Variants in WSCD1 observed in about 807,000 individuals in gnomAD.
WSCD1 encodes WSC domain sialate O sulfotransferase 1.
WSCD1 carries 41 observed loss-of-function variants against 60.4 expected under a neutral mutation model. The observed-to-expected ratio is 0.68, with a 90% CI of 0.53 to 0.88. The LOEUF (loss-of-function observed/expected upper bound fraction) is 0.88, where lower values mean the gene tolerates loss of function less well. WSCD1 is among the 40% of genes least tolerant of loss of function. The pLI, the probability that WSCD1 is intolerant of heterozygous loss-of-function variation, is 0.00. For synonymous variants in WSCD1, 361 were observed against 332.5 expected, an observed-to-expected ratio of 1.09 and a Z score of -0.93; for missense variants, 784 against 796.2, an observed-to-expected ratio of 0.98 and a Z score of 0.18.
Position 6,088,035 on chromosome 17 carries a change from T to C in WSCD1, c.473T>C (p.Leu158Pro). The change falls in exon 3 of 9, where the codon CTG (leucine) becomes CCG (proline). Residue 158 changes from leucine (L) to proline (P), a missense_variant. Transcript: ENST00000317744. Reference protein sequence around the residue: ...CFSDDGHERTLKGAVFYDLRK... With the variant: ...CFSDDGHERTPKGAVFYDLRK... ...AGTGACGATGGCCACGAGAGGACTC[T>C]GAAAGGAGCTGTGTTTTATGACTTG... 1 of 1,614,190 alleles carries C rather than the reference T, an allele frequency of 6.2e-7. No individual in the cohort carries two copies. Among genetic ancestry groups the C allele is most frequent in the Non-Finnish European group, 8.5e-7 (1 of 1,180,022 alleles).
At chr17:6,107,417 C>T (rs1207097336) in intron 5 of WSCD1, among the ~76,000 whole-genome samples, 1 of 152,076 alleles carries the variant, frequency 6.6e-6, no homozygotes, top group African/African-American at 2.4e-5. Context: ...AGGACAATCG[C>T]TTGAACCCGG....
chr17:6,099,806 G>A (rs971378330), intron 5 of WSCD1, among the ~76,000 whole-genome samples: 2 of 152,090 alleles, frequency 1.3e-5, no homozygotes, highest in Non-Finnish European at 2.9e-5. Context: ...CGCTGCACAC[G>A]GGGTTTTCTC....
chr17:6,113,535 G>A (rs1911523511), intron 7 of WSCD1, among the ~76,000 whole-genome samples: 1 of 152,136 alleles, frequency 6.6e-6, no homozygotes, highest in South Asian at 2.1e-4. Context: ...CACAACCAAG[G>A]AAACAATCAA....
At chr17:6,119,129 C>G (rs1432991700) in intron 8 of WSCD1, among the ~76,000 whole-genome samples, 1 of 152,214 alleles carries the variant, frequency 6.6e-6, no homozygotes, top group Non-Finnish European at 1.5e-5. Flanking sequence ...CTCTAATCGC[C>G]TCCCAAATCC....
rs564251767 is a variant in WSCD1, at chr17:6,101,705, G to A, written c.849+6482G>A. Among the ~76,000 whole-genome samples, 6 of 152,266 alleles carry A rather than the reference G, an allele frequency of 3.9e-5. No individual in the cohort carries two copies. In the East Asian group the frequency reaches 9.6e-4, roughly 24 times the overall value. ...TGATCTTGTCTAATTTCCTGTGATC[G>A]TATGGAGATGGAAAGAGACCTGCTC... On this transcript the variant is annotated intron_variant, in intron 5 of 8. Coordinates refer to ENST00000317744, the MANE Select transcript of WSCD1 (RefSeq NM_015253.2). This position sits in a 1 kb window ranked among gnomAD's most constrained non-coding sequence, Gnocchi z 4.1.
intron 5 of WSCD1, among the ~76,000 whole-genome samples, chr17:6,102,046 G>A (rs996221093): frequency 6.6e-6 from 1 of 152,230 alleles, no homozygotes; most frequent in Non-Finnish European, 1.5e-5. Flanking sequence ...GCAGGGAGAG[G>A]AGGAAGAAAG....
At chr17:6,105,416 TTC>T (rs552381212) in intron 5 of WSCD1, among the ~76,000 whole-genome samples, 1 of 152,158 alleles carries the variant, frequency 6.6e-6, no homozygotes. Flanking sequence ...GAAGCACCCT[TTC>T]TCTCTCTCAC....
intron 5 of WSCD1, among the ~76,000 whole-genome samples, chr17:6,108,311 G>A: frequency 6.6e-6 from 1 of 152,118 alleles, no homozygotes; most frequent in Non-Finnish European, 1.5e-5. Flanking sequence ...AAAAAGGTTT[G>A]TGCAGTGTTC....
chr17:6,069,617 G>T (rs972127547), upstream of WSCD1, among the ~76,000 whole-genome samples: 2 of 151,426 alleles, frequency 1.3e-5, no homozygotes, highest in Non-Finnish European at 2.9e-5. Flanking sequence ...GTGTAGACGC[G>T]GGAGCTGGTG....
intron 7 of WSCD1, among the ~76,000 whole-genome samples, chr17:6,115,013 A>G (rs922072122): frequency 1.3e-5 from 2 of 152,334 alleles, no homozygotes. Context: ...CCTGCAAAGG[A>G]CATGAACTCA....
At chr17:6,093,327 G>A (rs12451177) in intron 4 of WSCD1, among the ~76,000 whole-genome samples, 15 of 152,228 alleles carry the variant, frequency 9.9e-5, no homozygotes, top group Admixed American at 8.5e-4. Context: ...CGCTCACCAC[G>A]TAGTGGGCAC....
chr17:6,109,177 C>G (rs78462621), intron 5 of WSCD1, among the ~76,000 whole-genome samples: 2,826 of 152,292 alleles, frequency 0.019, 37 homozygotes, highest in Non-Finnish European at 0.02. Flanking sequence ...CTGCCCCGCT[C>G]TGTGCCATGC....
intron 3 of WSCD1, among the ~76,000 whole-genome samples, chr17:6,089,291 T>G (rs77821911): frequency 1.3e-5 from 2 of 152,320 alleles, no homozygotes; most frequent in African/African-American, 4.8e-5. Context: ...TCAGAGATGG[T>G]AAGTCATGTT....
intron 2 of WSCD1, among the ~76,000 whole-genome samples, chr17:6,087,042 C>A (rs900028265): frequency 1.3e-5 from 2 of 152,160 alleles, no homozygotes; most frequent in African/African-American, 4.8e-5. Flanking sequence ...ATCACAGGTG[C>A]CCGATCCAGA....
Position 6,110,819 on chromosome 17 carries a change from T to G in WSCD1, c.1058T>G (p.Phe353Cys), listed in dbSNP as rs566304197. ...RRFLPNKSKVFVALSSFPGAG... is the reference protein window; with the variant it reads ...RRFLPNKSKVCVALSSFPGAG... The stretch of plus-strand genomic sequence containing the variant: ...TTCCTGCCTAACAAATCCAAAGTGT[T>G]TGTGGCTTTGTCAAGCTTCCCAGGA... The change falls in exon 7 of 9, where the codon TTT becomes TGT. Residue 353 changes from phenylalanine (F) to cysteine (C), a missense_variant. Transcript: ENST00000317744. This position sits in a 1 kb window ranked among gnomAD's most constrained non-coding sequence, Gnocchi z 4.8. 15 of 1,614,052 alleles carry G rather than the reference T, an allele frequency of 9.3e-6. No individual in the cohort carries two copies. The highest frequency in any genetic ancestry group is 8.5e-7 in the Non-Finnish European group (1 of 1,179,964).
rs1904627749 is a variant in WSCD1 at position 6,120,599 on chromosome 17, G to A, written c.1666G>A (p.Val556Met). The change falls in exon 9 of 9, where the codon GTG (valine) becomes ATG (methionine). Residue 556 changes from valine to methionine, a missense_variant. By Grantham distance (21) the Val-to-Met change is conservative. Coordinates refer to ENST00000317744, the MANE Select transcript of WSCD1 (RefSeq NM_015253.2). ...KDLINGYIRT[V>M]DQALRDHNWT... is the part of the protein sequence containing the mutation. ...CTTGATCAATGGCTACATCCGGACG[G>A]TGGACCAAGCCCTGCGTGACCACAA... 6.2e-7 allele frequency: 1 copy of A among 1,613,448 alleles called. No homozygotes were observed. Among genetic ancestry groups the A allele is most frequent in the African/African-American group, 1.3e-5 (1 of 74,948 alleles).
At chr17:6,073,753 G>C (rs548673737) in intron 1 of WSCD1, among the ~76,000 whole-genome samples, 3 of 152,266 alleles carry the variant, frequency 2.0e-5, no homozygotes, top group Non-Finnish European at 4.4e-5. Flanking sequence ...CGGCCCCGGC[G>C]CTGGTGCTGT....
intron 5 of WSCD1, among the ~76,000 whole-genome samples, chr17:6,096,304 G>A (rs1910421595): frequency 6.6e-6 from 1 of 152,132 alleles, no homozygotes. Context: ...GTTGAAGGGT[G>A]CAGGGGTGGA....
chr17:6,091,964 G>C (rs1371931734), intron 4 of WSCD1, among the ~76,000 whole-genome samples: 6 of 152,142 alleles, frequency 3.9e-5, no homozygotes, highest in Non-Finnish European at 8.8e-5. Context: ...AGACCAGCCT[G>C]ACCAACATGG....
Sources: gnomAD v4.1 joint callset for allele counts (sites outside exome capture counted in the v4.1 genomes callset) on GRCh38, gnomAD v4.1.1 for gene constraint, Gnocchi (gnomAD v3.1) non-coding constraint, MANE v1.5 for transcripts, NCBI Gene and HGNC (gene_info 2026-07-23, HGNC 2026-07-21) for gene names.